The following CDKL4 variants were observed in gnomAD, a reference collection of about 807,000 sequenced individuals.
The protein encoded by CDKL4 is cyclin dependent kinase like 4.
CDKL4 carries 44 observed loss-of-function variants against 42.0 expected under a neutral mutation model. That is an observed-to-expected ratio of 1.05 (90% CI 0.82 to 1.35). CDKL4 has a LOEUF of 1.35. CDKL4 is among the 40% of genes most tolerant of loss of function. The pLI is 0.00. For missense variants in CDKL4, 393 were observed against 369.9 expected (o/e 1.06, Z -0.51); for synonymous variants, 120 against 121.6 (o/e 0.99, Z 0.09).
At chr2:39,171,896 A>G (rs1675009161), downstream of CDKL4, among the ~76,000 whole-genome samples, 1 of 152,202 alleles carries the variant, frequency 6.6e-6, no homozygotes, top group South Asian at 2.1e-4. Flanking sequence ...AAGTTGACAT[A>G]AGTGAGACAG....
At chr2:39,205,471 G>A (rs913863451) in intron 4 of CDKL4, among the ~76,000 whole-genome samples, 2 of 152,028 alleles carry the variant, frequency 1.3e-5, no homozygotes, top group African/African-American at 2.4e-5. Flanking sequence ...GTGTGAAAGA[G>A]GGGCCTATAG....
intron 3 of CDKL4, among the ~76,000 whole-genome samples, chr2:39,222,433 T>C (rs1678429683): frequency 6.6e-6 from 1 of 151,782 alleles, no homozygotes; most frequent in South Asian, 2.1e-4. Context: ...CTACTAAAAA[T>C]ACAAAAATTA....
intron 9 of CDKL4, chr2:39,178,942 C>A: frequency 6.9e-7 from 1 of 1,444,160 alleles, no homozygotes; most frequent in Non-Finnish European, 9.1e-7. Context: ...ATCAGAGCAG[C>A]CAAAGAGTTG....
chr2:39,224,927 T>G (rs903139562), intron 3 of CDKL4, among the ~76,000 whole-genome samples: 8 of 152,214 alleles, frequency 5.3e-5, no homozygotes, highest in Non-Finnish European at 2.9e-5. Context: ...TCTTAGATTT[T>G]GTAGATCAGT....
At chr2:39,172,521 G>T (rs977065319), downstream of CDKL4, among the ~76,000 whole-genome samples, 1 of 152,168 alleles carries the variant, frequency 6.6e-6, no homozygotes, top group Non-Finnish European at 1.5e-5. Flanking sequence ...GCAATGCTAT[G>T]CTGTGGCCTG....
chr2:39,215,243 G>A (rs1572997702), intron 3 of CDKL4, among the ~76,000 whole-genome samples: 1 of 152,132 alleles, frequency 6.6e-6, no homozygotes. Context: ...CTAATGTTTA[G>A]TGATTATTAT....
At chr2:39,239,015 G>C (rs1174367902) in intron 1 of CDKL4, among the ~76,000 whole-genome samples, 1 of 152,224 alleles carries the variant, frequency 6.6e-6, no homozygotes, top group African/African-American at 2.4e-5. Flanking sequence ...GCCTCCAAAA[G>C]TGTTGGGATT....
At chr2:39,205,527 G>A (rs554215788) in intron 4 of CDKL4, among the ~76,000 whole-genome samples, 2 of 152,122 alleles carry the variant, frequency 1.3e-5, no homozygotes, top group East Asian at 1.9e-4. Flanking sequence ...TTGGGAGGCC[G>A]AGGCGGGCAG....
At chr2:39,181,687 G>A (rs1235854742) in intron 8 of CDKL4, among the ~76,000 whole-genome samples, 2 of 152,180 alleles carry the variant, frequency 1.3e-5, no homozygotes, top group African/African-American at 2.4e-5. Context: ...TTCCTTATAA[G>A]AAGAGGGAAG....
chr2:39,204,500 G>C (rs775514636), intron 5 of CDKL4, 27 bp downstream of exon 5: 8 of 1,237,314 alleles, frequency 6.5e-6, no homozygotes, highest in Non-Finnish European at 9.5e-6. Flanking sequence ...TCTGAACTGG[G>C]TATTAGTAAA....
At chr2:39,187,793 C>T in intron 6 of CDKL4, 84 bp from the exon 7 acceptor site, 1 of 850,532 alleles carries the variant, frequency 1.2e-6, no homozygotes, top group South Asian at 1.5e-5. Context: ...GAAGGCCAGG[C>T]ATGGTGGCTC....
At chr2:39,229,448 C>T in exon 2 of CDKL4, 1 of 1,613,602 alleles carries the variant, frequency 6.2e-7, no homozygotes, top group Non-Finnish European at 8.5e-7. Flanking sequence ...ACAGCTACTA[C>T]TTGTCCAGAG....
chr2:39,233,977 G>A (rs1314276790), intron 1 of CDKL4, among the ~76,000 whole-genome samples: 2 of 143,498 alleles, frequency 1.4e-5, no homozygotes, highest in Non-Finnish European at 3.0e-5. Flanking sequence ...GCAGTGGCAC[G>A]ATCTCGGCTC....
chr2:39,192,103 T>C (rs1676220532), intron 5 of CDKL4, among the ~76,000 whole-genome samples: 1 of 152,176 alleles, frequency 6.6e-6, no homozygotes, highest in Non-Finnish European at 1.5e-5. Context: ...AATGCCATAA[T>C]GGAAATTTGG....
chr2:39,236,327 C>T (rs1679374902), intron 1 of CDKL4, among the ~76,000 whole-genome samples: 1 of 152,018 alleles, frequency 6.6e-6, no homozygotes, highest in African/African-American at 2.4e-5. Flanking sequence ...ATCAATACTA[C>T]CAATATACAT....
chr2:39,173,955 G>C (rs1436053843), downstream of CDKL4, among the ~76,000 whole-genome samples: 1 of 152,018 alleles, frequency 6.6e-6, no homozygotes, highest in Non-Finnish European at 1.5e-5. Flanking sequence ...TCCAGCCTTG[G>C]TGACAGAGTC....
At position 39,184,582 on chromosome 2, in the gene CDKL4, C is replaced by T. The variant is rs756349452; in HGVS notation, c.792+9G>A. ...TAGCTAATAAGAGTTATAATTGATT[C>T]TTAAGTACCTTCATGAAGTTCAGAG... On this transcript the variant is annotated intron_variant, in intron 8 of 9. Coordinates refer to ENST00000451199, the Ensembl canonical transcript of CDKL4. The T allele has an allele frequency of 3.8e-5, 61 of 1,601,630 alleles. No individual in the cohort carries two copies. The highest frequency in any genetic ancestry group is 5.2e-5 in the Non-Finnish European group (61 of 1,170,300).
intron 5 of CDKL4, among the ~76,000 whole-genome samples, chr2:39,200,337 G>C (rs906061547): frequency 3.9e-5 from 6 of 152,116 alleles, no homozygotes; most frequent in African/African-American, 1.4e-4. Flanking sequence ...AGAAATCATA[G>C]ATGACACAAA....
chr2:39,194,474 AAAAC>A (rs1323159755), intron 5 of CDKL4, among the ~76,000 whole-genome samples: 1 of 152,202 alleles, frequency 6.6e-6, no homozygotes, highest in African/African-American at 2.4e-5. Context: ...ACTCTGTCTC[AAAAC>A]AAACACACAC....
Sources: allele counts gnomAD v4.1 joint callset (sites outside exome capture counted in the v4.1 genomes callset), GRCh38; gene constraint gnomAD v4.1.1; transcripts MANE v1.5; gene names NCBI Gene and HGNC (gene_info 2026-07-23, HGNC 2026-07-21).